CANX: variants seen among roughly 807,000 people sequenced by gnomAD.
CANX encodes epididymis secretory sperm binding protein.
Under a neutral mutation model 75.7 loss-of-function variants are expected in CANX, and 14 were observed. That is an observed-to-expected ratio of 0.19 (90% confidence interval 0.12 to 0.29). The LOEUF (loss-of-function observed/expected upper bound fraction) is 0.29. CANX is among the 10% of genes least tolerant of loss of function. The pLI is 1.00. For missense variants in CANX, 567 were observed against 713.2 expected (o/e 0.79, Z 2.34); for synonymous variants, 227 against 236.9 (o/e 0.96, Z 0.38).
intron 1 of CANX, among the ~76,000 whole-genome samples, chr5:179,686,994 C>T (rs561539115): frequency 2.0e-5 from 3 of 152,262 alleles, no homozygotes; most frequent in African/African-American, 7.2e-5. Context: ...TCAGGCTGGT[C>T]TTGAACTCCT....
upstream of CANX, chr5:179,698,850 G>C (rs115239999): frequency 1.0e-6 from 1 of 1,002,410 alleles, no homozygotes; most frequent in East Asian, 7.5e-5. Flanking sequence ...GCCCACGCCG[G>C]CCAACCGGAT....
intron 1 of CANX, among the ~76,000 whole-genome samples, chr5:179,680,410 T>C (rs931255159): frequency 1.3e-5 from 2 of 152,158 alleles, no homozygotes; most frequent in African/African-American, 4.8e-5. Context: ...TGTGCCAGAC[T>C]CTGGTCTTGG....
At chr5:179,683,199 G>C (rs1386437964) in intron 1 of CANX, among the ~76,000 whole-genome samples, 2 of 152,218 alleles carry the variant, frequency 1.3e-5, no homozygotes, top group African/African-American at 4.8e-5. Flanking sequence ...CGCTACCTCA[G>C]CTCACTGCGA....
At position 179,716,112 on chromosome 5, in the gene CANX, T is replaced by C; in HGVS notation, c.729T>C (p.Asn243=). Residue 243 remains asparagine, a synonymous_variant, in exon 8 of 15, where the codon AAT becomes AAC. Transcript: ENST00000247461. ...KKTHLYTLIL[N]PDNSFEILVD... ...ATTTAATGTTTCTTTCAGTCTTGAA[T>C]CCAGATAATAGTTTTGAAATACTGG... is the stretch of plus-strand genomic sequence containing the variant. 6.2e-7 allele frequency: 1 copy of C among 1,604,178 alleles called. No homozygotes were observed.
At chr5:179,709,838 C>T (rs767126942) in intron 6 of CANX, 35 bp from the exon 7 acceptor site, 1 of 1,421,094 alleles carries the variant, frequency 7.0e-7, no homozygotes, top group Non-Finnish European at 9.6e-7. Flanking sequence ...ACTTTGAGTA[C>T]AGTGACTTCA....
At chr5:179,714,548 C>T (rs1431049825) in intron 7 of CANX, among the ~76,000 whole-genome samples, 2 of 150,726 alleles carry the variant, frequency 1.3e-5, no homozygotes, top group East Asian at 1.9e-4. Flanking sequence ...GACGGAGTCT[C>T]GCTCTGTCTC....
intron 1 of CANX, chr5:179,678,781 G>A (rs1775970056): frequency 6.5e-7 from 1 of 1,536,856 alleles, no homozygotes; most frequent in South Asian, 1.2e-5. Flanking sequence ...GCTTCAGGTA[G>A]TTGTTCTCCT....
intron 7 of CANX, among the ~76,000 whole-genome samples, chr5:179,710,273 A>T (rs1562482252): frequency 6.6e-6 from 1 of 151,912 alleles, no homozygotes; most frequent in Non-Finnish European, 1.5e-5. Context: ...AAATACAAAT[A>T]TTAGCTAGGC....
chr5:179,713,376 C>A (rs1330853193), intron 7 of CANX, among the ~76,000 whole-genome samples: 1 of 152,088 alleles, frequency 6.6e-6, no homozygotes, highest in African/African-American at 2.4e-5. Flanking sequence ...CCAGCTTAAC[C>A]TTTTTTTGTT....
rs1778987061 is a variant in CANX at position 179,731,466 on chromosome 5, G to C, written c.*2822G>C. Among the ~76,000 whole-genome samples, 1 of 149,948 alleles carries C rather than the reference G, an allele frequency of 6.7e-6. No individual in the cohort carries two copies. Among genetic ancestry groups the C allele is most frequent in the Non-Finnish European group, 1.5e-5 (1 of 67,536 alleles). ...ATAGTTTAGTTCTGGTGTAAAATTT[G>C]TTTGAATGCTAAAAAAAAAAAAGCA... is the stretch of plus-strand genomic sequence containing the variant. On this transcript the variant is annotated 3_prime_UTR_variant, in exon 15 of 15. Transcript: ENST00000247461.
At position 179,729,959 on chromosome 5, in the gene CANX, C is replaced by T. The variant is rs1778897634; in HGVS notation, c.*1315C>T. ...TTGTGTCATAAATTACACAATAAAGCAGTCCTGTTCAAATTTTTTTTTAAC... is the reference window on the plus strand; with the variant it reads ...TTGTGTCATAAATTACACAATAAAGTAGTCCTGTTCAAATTTTTTTTTAAC... On this transcript the variant is annotated 3_prime_UTR_variant, in exon 15 of 15. Coordinates refer to ENST00000247461, the MANE Select transcript of CANX (RefSeq NM_001746.4). 6.6e-6 allele frequency: 1 copy of T among 152,526 alleles called. No homozygotes were observed. Among genetic ancestry groups the T allele is most frequent in the African/African-American group, 2.4e-5 (1 of 41,408 alleles). 9.4% of individuals were successfully genotyped at this position (152,526 alleles called of 1,614,324 possible). A position where few individuals can be genotyped will look rare whatever the true frequency, so the allele number is the denominator to read the frequency against.
Position 179,719,676 on chromosome 5 carries a change from A to C in CANX, c.920A>C (p.Asp307Ala). The change falls in exon 9 of 15, where the codon GAT (aspartate) becomes GCT (alanine). Residue 307 changes from aspartate to alanine, a missense_variant. Asp to Ala is a moderately radical substitution (Grantham distance 126). Around this residue, in one of 3 missense-constraint regions of CANX, gnomAD observed 351 missense variants for 433.8 expected, o/e 0.81. Transcript: ENST00000247461. Reference sequence around the variant, plus strand: ...TTTCTTTTGTATTTAAGGGATGAAGATGCCCCTGCTAAGATTCCAGATGAA... The same window carrying C: ...TTTCTTTTGTATTTAAGGGATGAAGCTGCCCCTGCTAAGATTCCAGATGAA... The part of the protein sequence containing the change: ...EAVKPDDWDE[D>A]APAKIPDEEA... The C allele has an allele frequency of 3.1e-6, 5 of 1,603,346 alleles. No homozygotes were observed. Among genetic ancestry groups the C allele is most frequent in the Non-Finnish European group, 4.3e-6 (5 of 1,171,286 alleles).
Position 179,681,944 on chromosome 5 carries a change from T to TA in CANX, c.-4+3187dup, listed in dbSNP as rs58981244. Among the ~76,000 whole-genome samples, 628 of 125,324 alleles carry TA rather than the reference T, an allele frequency of 5.0e-3. 6 individuals are homozygous for TA. Among genetic ancestry groups the TA allele is most frequent in the African/African-American group, 0.012 (408 of 32,746 alleles). The allele number at this position is 125,324 out of a possible 152,430, so 82.2% of individuals were successfully genotyped here. ...GCATGGGCGATAGAGACCCTGTGTT[T>TA]AAAAAAAAAAAAAAAAAAAAGAGGG... On this transcript the variant is annotated intron_variant, in intron 1 of 14. Transcript: ENST00000681674.
intron 1 of CANX, among the ~76,000 whole-genome samples, chr5:179,683,290 G>A (rs1776115392): frequency 6.6e-6 from 1 of 152,006 alleles, no homozygotes; most frequent in Non-Finnish European, 1.5e-5. Flanking sequence ...ACCATGCCTG[G>A]CTAATTTTTT....
chr5:179,696,238 C>A (rs988796268), upstream of CANX, among the ~76,000 whole-genome samples: 37 of 142,464 alleles, frequency 2.6e-4, no homozygotes, highest in African/African-American at 8.2e-4. Context: ...TTGAAAAAAT[C>A]ATATGCATGT....
At chr5:179,690,413 T>C (rs1776279717) in intron 1 of CANX, among the ~76,000 whole-genome samples, 1 of 147,764 alleles carries the variant, frequency 6.8e-6, no homozygotes, top group Non-Finnish European at 1.5e-5. Flanking sequence ...CCGTCTGTAC[T>C]TAAAATACAA....
chr5:179,719,608 C>G, intron 8 of CANX, 60 bp from the exon 9 acceptor site: 1 of 901,630 alleles, frequency 1.1e-6, no homozygotes, highest in Non-Finnish European at 1.8e-6. Context: ...TTCTGATCCA[C>G]AAAGTGGTAC....
At chr5:179,694,346 C>A, upstream of CANX, 1 of 561,276 alleles carries the variant, frequency 1.8e-6, no homozygotes, top group Non-Finnish European at 3.3e-6. Flanking sequence ...AGACAATGTC[C>A]GGGAAAGAGA....
intron 1 of CANX, among the ~76,000 whole-genome samples, chr5:179,681,570 T>G (rs1776065181): frequency 6.6e-6 from 1 of 152,076 alleles, no homozygotes; most frequent in African/African-American, 2.4e-5. Context: ...TAGGCCTCCT[T>G]AAAGCAAGGG....
Sources: gnomAD v4.1 joint callset for allele counts (sites outside exome capture counted in the v4.1 genomes callset) on GRCh38, gnomAD v4.1.1 for gene constraint, gnomAD v4.1.1 regional missense constraint, MANE v1.5 for transcripts, NCBI Gene and HGNC (gene_info 2026-07-23, HGNC 2026-07-21) for gene names.